HYI: variants seen among roughly 807,000 people sequenced by gnomAD.
HYI encodes hydroxypyruvate isomerase (putative).
In HYI, 47 loss-of-function variants were observed where a neutral mutation model predicts 39.7. That is an observed-to-expected ratio of 1.18 (90% CI 0.94 to 1.51). HYI has a LOEUF of 1.51. HYI is among the 40% of genes most tolerant of loss of function. The pLI, the probability that HYI is intolerant of heterozygous loss-of-function variation, is 0.00. For missense variants in HYI, 465 were observed against 370.3 expected, an observed-to-expected ratio of 1.26 and a Z score of -2.10; for synonymous variants, 186 against 158.8, an observed-to-expected ratio of 1.17 and a Z score of -1.29.
chr1:43,453,593 A>G lies in HYI; in HGVS notation c.199+2T>C. 1 of 1,504,230 alleles carries G rather than the reference A, an allele frequency of 6.6e-7. No homozygotes were observed. Among genetic ancestry groups the G allele is most frequent in the Non-Finnish European group, 8.9e-7 (1 of 1,120,260 alleles). The allele number at this position is 1,504,230 out of a possible 1,614,324, so 93.2% of individuals were successfully genotyped here. A position where few individuals can be genotyped will look rare whatever the true frequency, so the allele number is the denominator to read the frequency against. ...TCCCAGCCCTCCCGGCCCGCGACGC[A>G]CCCGGGGGCGTGTTGATCAGTACAA... On this transcript the variant is annotated splice_donor_variant, in intron 1 of 7. Transcript: ENST00000372430. LOFTEE classifies it high-confidence loss of function.
At position 43,453,707 on chromosome 1, in the gene HYI, G is replaced by A; in HGVS notation, c.87C>T (p.Ser29=). The part of the protein sequence containing the change: ...GLPARVRAAG[S]SGFEAVEVAW... ...CCACCTCGACGGCCTCGAAGCCCGAGCTGCCCGCGGCCCGCACCCGCGCGG... is the reference window on the plus strand; with the variant it reads ...CCACCTCGACGGCCTCGAAGCCCGAACTGCCCGCGGCCCGCACCCGCGCGG... Residue 29 remains serine, a synonymous_variant, in exon 1 of 8, where the codon AGC becomes AGT. Coordinates refer to ENST00000372430, the MANE Select transcript of HYI (RefSeq NM_001190880.3). The A allele has an allele frequency of 7.1e-7, 1 of 1,417,088 alleles. No homozygotes were observed. The highest frequency in any genetic ancestry group is 1.5e-5 in the South Asian group (1 of 67,108). 87.8% of individuals were successfully genotyped at this position (1,417,088 alleles called of 1,614,324 possible). A position where few individuals can be genotyped will look rare whatever the true frequency, so the allele number is the denominator to read the frequency against.
rs1272221436 is a variant in HYI, at chr1:43,453,802, A to G, written c.-9T>C. The stretch of plus-strand genomic sequence containing the variant: ...AAGCGCAGCGGCGCCATGCCTGGGG[A>G]GGCCGGGCCGGGCGGAGTCCGCGGG... On this transcript the variant is annotated 5_prime_UTR_variant, in exon 1 of 8. Coordinates refer to ENST00000372430, the MANE Select transcript of HYI (RefSeq NM_001190880.3). 6.4e-6 allele frequency: 8 copies of G among 1,256,768 alleles called. No individual in the cohort carries two copies. Among genetic ancestry groups the G allele is most frequent in the Non-Finnish European group, 8.0e-6 (8 of 1,003,732 alleles). The allele number at this position is 1,256,768 out of a possible 1,614,324, so 77.9% of individuals were successfully genotyped here.
At position 43,452,603 on chromosome 1, in the gene HYI, A is replaced by G. The variant is rs1445675345; in HGVS notation, c.312-284T>C. On this transcript the variant is annotated intron_variant, in intron 2 of 7. Transcript: ENST00000372430. Reference sequence around the variant, plus strand: ...TTCTCCGCAACCTGTAACCTGCTAAATTCTCACCTTTAAAAATTGTCCTGA... The same window carrying G: ...TTCTCCGCAACCTGTAACCTGCTAAGTTCTCACCTTTAAAAATTGTCCTGA... 8.4e-6 allele frequency: 5 copies of G among 597,366 alleles called. No homozygotes were observed. The East Asian group carries it at 1.4e-4, about 17-fold the overall frequency. The allele number at this position is 597,366 out of a possible 1,614,324, so 37.0% of individuals were successfully genotyped here.
At chr1:43,451,332 C>A (rs751323087) in intron 7 of HYI, 21 bp from the exon 8 acceptor site, 10 of 1,613,154 alleles carry the variant, frequency 6.2e-6, no homozygotes, top group Middle Eastern at 1.6e-4. Flanking sequence ...AGGGAGGCCT[C>A]GGCACCTCAG....
At chr1:43,452,768 T>C in intron 2 of HYI, 1 of 863,430 alleles carries the variant, frequency 1.2e-6, no homozygotes. Flanking sequence ...TCTGAGCCTG[T>C]TTGGCCTCTG....
In HYI at chr1:43,453,746, C is replaced by A; in HGVS notation, c.48G>T (p.Glu16Asp). Residue 16 changes from glutamate to aspartate, a missense_variant, in exon 1 of 8, where the codon GAG becomes GAT. Physicochemically the swap from Glu to Asp is conservative, Grantham distance 45. Coordinates refer to ENST00000372430, the MANE Select transcript of HYI (RefSeq NM_001190880.3). ...FSANLSWLFP[E>D]LSGLPARVRA... ...GCACCCGCGCGGGGAGGCCGGAGAG[C>A]TCGGGGAATAGCCAGGACAGATTGG... 7.2e-7 allele frequency: 1 copy of A among 1,382,082 alleles called. No individual in the cohort carries two copies. The highest frequency in any genetic ancestry group is 1.7e-5 in the South Asian group (1 of 58,620). 85.6% of individuals were successfully genotyped at this position (1,382,082 alleles called of 1,614,324 possible).
intron 3 of HYI, 48 bp from the exon 4 acceptor site, chr1:43,452,061 C>A: frequency 6.4e-7 from 1 of 1,567,334 alleles, no homozygotes; most frequent in Non-Finnish European, 8.7e-7. Flanking sequence ...CCAAGTTTGT[C>A]CCCCATCAGT....
chr1:43,451,493 C>G lies in HYI; in HGVS notation c.677G>C (p.Gly226Ala). 1 of 1,614,172 alleles carries G rather than the reference C, an allele frequency of 6.2e-7. No homozygotes were observed. Among genetic ancestry groups the G allele is most frequent in the South Asian group, 1.1e-5 (1 of 91,090 alleles). ...VPGRGEPSSP[G>A]ELNFPYLFQL... The stretch of plus-strand genomic sequence containing the variant: ...AAACAGATAGGGGAAATTCAGCTCT[C>G]CGGGGCTGCTGGGCTCCCCTCGGCC... Residue 226 changes from glycine to alanine, a missense_variant, in exon 7 of 8, where the codon GGA (glycine) becomes GCA (alanine). Physicochemically the swap from Gly to Ala is moderately conservative, Grantham distance 60. Transcript: ENST00000372430.
Position 43,453,674 on chromosome 1 carries a change from C to CGGCCAGGCCACCTCGACGGCCTCGAA in HYI, c.94_119dup (p.Tyr41SerfsTer30), listed in dbSNP as rs1357637941. ...CCAGCGCCTCAGGCGTCTCCGCGTACGGCCAGGCCACCTCGACGGCCTCGA... is the reference window on the plus strand; with the variant it reads ...CCAGCGCCTCAGGCGTCTCCGCGTACGGCCAGGCCACCTCGACGGCCTCGAAGGCCAGGCCACCTCGACGGCCTCGA... On this transcript the variant is annotated frameshift_variant, in exon 1 of 8. Coordinates refer to ENST00000372430, the MANE Select transcript of HYI (RefSeq NM_001190880.3). LOFTEE classifies it high-confidence loss of function. 7.6e-5 allele frequency: 112 copies of CGGCCAGGCCACCTCGACGGCCTCGAA among 1,470,570 alleles called. No individual in the cohort carries two copies. The highest frequency in any genetic ancestry group is 9.0e-5 in the Non-Finnish European group (101 of 1,119,588). The allele number at this position is 1,470,570 out of a possible 1,614,324, so 91.1% of individuals were successfully genotyped here.
At chr1:43,452,123 C>CA in intron 3 of HYI, 82 bp downstream of exon 3, 2 of 1,487,350 alleles carry the variant, frequency 1.3e-6, no homozygotes, top group Non-Finnish European at 9.3e-7. Flanking sequence ...CTGGCAGCCT[C>CA]ACGTGCTGTC....
intron 1 of HYI, 28 bp downstream of exon 1, chr1:43,453,567 C>T: frequency 6.6e-7 from 1 of 1,518,030 alleles, no homozygotes. Flanking sequence ...CCCCCCAGCC[C>T]TCCCAGCCCT....
chr1:43,453,658 C>G lies in HYI; in HGVS notation c.136G>C (p.Glu46Gln). 1 of 1,486,142 alleles carries G rather than the reference C, an allele frequency of 6.7e-7. No homozygotes were observed. Among genetic ancestry groups the G allele is most frequent in the Non-Finnish European group, 8.9e-7 (1 of 1,126,022 alleles). 92.1% of individuals were successfully genotyped at this position (1,486,142 alleles called of 1,614,324 possible). A position where few individuals can be genotyped will look rare whatever the true frequency, so the allele number is the denominator to read the frequency against. Reference protein sequence around the residue: ...EVAWPYAETPEALARAAREAG... With the variant: ...EVAWPYAETPQALARAAREAG... The stretch of plus-strand genomic sequence containing the variant: ...TCTCGCGCGGCGCGCGCCAGCGCCT[C>G]AGGCGTCTCCGCGTACGGCCAGGCC... Residue 46 changes from glutamate (E) to glutamine (Q), a missense_variant, in exon 1 of 8, where the codon GAG (glutamate) becomes CAG (glutamine). Coordinates refer to ENST00000372430, the MANE Select transcript of HYI (RefSeq NM_001190880.3).
chr1:43,451,244 G>A lies in HYI; in HGVS notation c.828C>T (p.Gly276=). Residue 276 remains glycine, a synonymous_variant, in exon 8 of 8, where the codon GGC becomes GGT. Transcript: ENST00000372430. The stretch of plus-strand genomic sequence containing the variant: ...GTGGGTGGTGTGCGGGCCCTCACTG[G>A]CCAGCCTCTGGGTGGCCCCGCCTAT... The part of the protein sequence containing the change: ...YWDRRGHPEA[G]Q 6.2e-7 allele frequency: 1 copy of A among 1,613,864 alleles called. No homozygotes were observed. Among genetic ancestry groups the A allele is most frequent in the South Asian group, 1.1e-5 (1 of 91,080 alleles).
At chr1:43,452,929 A>G in intron 2 of HYI, 2 of 1,607,824 alleles carry the variant, frequency 1.2e-6, no homozygotes. Flanking sequence ...ACGCTGCCAA[A>G]TACACCAGGC....
At chr1:43,452,815 G>T in intron 2 of HYI, 1 of 1,398,440 alleles carries the variant, frequency 7.2e-7, no homozygotes, top group Non-Finnish European at 9.9e-7. Context: ...ACTTTGAGCC[G>T]TCCACCTCCT....
rs1384670640 is a variant in HYI at position 43,451,832 on chromosome 1, T to TTACAGAA, written c.520_521insTTCTGTA (p.Gln174LeufsTer3). 6 of 1,613,954 alleles carry TTACAGAA rather than the reference T, an allele frequency of 3.7e-6. No homozygotes were observed. The highest frequency in any genetic ancestry group is 1.7e-5 in the Admixed American group (1 of 60,006). On this transcript the variant is annotated stop_gained and frameshift_variant, in exon 5 of 8. Coordinates refer to ENST00000372430, the MANE Select transcript of HYI (RefSeq NM_001190880.3). LOFTEE classifies it high-confidence loss of function. ...TTGGAGGTTGGGTCTTCCTACCTTC[T>TTACAGAA]GTAAGATGGCTGCCGCTGTAAGAGA... is the stretch of plus-strand genomic sequence containing the variant.
Position 43,453,615 on chromosome 1 carries a change from A to G in HYI, c.179T>C (p.Val60Ala), listed in dbSNP as rs1388197039. 1 of 1,505,150 alleles carries G rather than the reference A, an allele frequency of 6.6e-7. No homozygotes were observed. Among genetic ancestry groups the G allele is most frequent in the Non-Finnish European group, 8.8e-7 (1 of 1,131,428 alleles). The allele number at this position is 1,505,150 out of a possible 1,614,324, so 93.2% of individuals were successfully genotyped here. The part of the protein sequence containing the change: ...RAAREAGLRL[V>A]LINTPPGDQE... ...CGCACCCGGGGGCGTGTTGATCAGT[A>G]CAAGCCGCAGCCCCGCTTCTCGCGC... The change falls in exon 1 of 8, where the codon GTA becomes GCA. Residue 60 changes from valine (V) to alanine (A), a missense_variant. Physicochemically the swap from Val to Ala is moderately conservative, Grantham distance 64. Transcript: ENST00000372430.
chr1:43,452,526 C>G (rs1656557601), intron 2 of HYI: 1 of 664,104 alleles, frequency 1.5e-6, no homozygotes, highest in African/African-American at 1.8e-5. Context: ...TCAGTGTCCA[C>G]CCACCGCCTC....
rs1218706689 is a variant in HYI, at chr1:43,453,392, C to T, written c.305G>A (p.Cys102Tyr). 3.2e-6 allele frequency: 5 copies of T among 1,550,900 alleles called. No homozygotes were observed. The South Asian group carries it at 5.9e-5, about 18-fold the overall frequency. The change falls in exon 2 of 8, where the codon TGT (cysteine) becomes TAT (tyrosine). Residue 102 changes from cysteine (C) to tyrosine (Y), a missense_variant. Physicochemically the swap from Cys to Tyr is radical, Grantham distance 194 (BLOSUM62 -2). Transcript: ENST00000372430. ...GTGGGGTGGAGCGGGGTACCTGGGA[C>T]AGCCCAGGGCTTTGGCATACCGCAC... Reference protein sequence around the residue: ...QAVRYAKALGCPRIHLMAGRV... With the variant: ...QAVRYAKALGYPRIHLMAGRV...
Sources: gnomAD v4.1 joint callset for allele counts on GRCh38, gnomAD v4.1.1 for gene constraint, MANE v1.5 for transcripts, NCBI Gene and HGNC (gene_info 2026-07-23, HGNC 2026-07-21) for gene names.